MCU: variants seen among roughly 807,000 people sequenced by gnomAD.
The protein encoded by MCU is mitochondrial calcium uniporter.
In MCU, 12 loss-of-function variants were observed where a neutral mutation model predicts 45.2. That is an observed-to-expected ratio of 0.27 (90% CI 0.17 to 0.43). The LOEUF (loss-of-function observed/expected upper bound fraction) is 0.43, where lower values mean the gene tolerates loss of function less well. MCU is among the 20% of genes least tolerant of loss of function. MCU has a pLI of 1.00. For missense variants in MCU, 324 were observed against 436.7 expected (o/e 0.74, Z 2.30); for synonymous variants, 160 against 165.1 (o/e 0.97, Z 0.24).
intron 1 of MCU, among the ~76,000 whole-genome samples, chr10:72,733,663 A>G (rs1266916212): frequency 2.1e-5 from 3 of 142,576 alleles, no homozygotes; most frequent in Non-Finnish European, 4.5e-5. Flanking sequence ...TGTTGGTGGT[A>G]CCCGATATAT....
intron 7 of MCU, among the ~76,000 whole-genome samples, chr10:72,885,072 G>A (rs1273666463): frequency 6.6e-6 from 1 of 152,118 alleles, no homozygotes; most frequent in Non-Finnish European, 1.5e-5. Context: ...TCTTCTTGAT[G>A]ATAGGGTTGT....
At chr10:72,693,165 C>CACCCAAGAG in intron 1 of MCU, 1 of 1,203,124 alleles carries the variant, frequency 8.3e-7, no homozygotes, top group Non-Finnish European at 1.2e-6. Context: ...TTTGAACACT[C>CACCCAAGAG]TTGGGTGAGT....
chr10:72,788,427 C>T (rs547900055), intron 1 of MCU, among the ~76,000 whole-genome samples: 214 of 152,280 alleles, frequency 1.4e-3, no homozygotes, highest in Non-Finnish European at 2.6e-3. Flanking sequence ...GAGTTGAAGG[C>T]CAACCTGGGC....
rs758036618 is a variant in MCU, at chr10:72,839,797, CAAAAAAAA to C, written c.220+5379_220+5386del. ...TAAAACCCTGTCTCTACTAAGAATA[CAAAAAAAA>C]AAAAAAAAATTAGCCGGGTGTGGTG... On this transcript the variant is annotated intron_variant, in intron 2 of 7. Transcript: ENST00000373053. Among the ~76,000 whole-genome samples, 444 of 96,386 alleles carry C rather than the reference CAAAAAAAA, an allele frequency of 4.6e-3. 4 individuals are homozygous for C. The highest frequency in any genetic ancestry group is 0.016 in the African/African-American group (416 of 25,714). 63.2% of individuals were successfully genotyped at this position (96,386 alleles called of 152,430 possible).
chr10:72,849,916 T>A (rs1372498871), intron 2 of MCU, among the ~76,000 whole-genome samples: 1 of 28,858 alleles, frequency 3.5e-5, no homozygotes. Flanking sequence ...TATCTTTTTC[T>A]TTTTTTTTTT....
intron 1 of MCU, among the ~76,000 whole-genome samples, chr10:72,799,291 A>C (rs1844301177): frequency 6.6e-6 from 1 of 152,206 alleles, no homozygotes; most frequent in Non-Finnish European, 1.5e-5. Flanking sequence ...GATGATTTCC[A>C]AATATTCACT....
At chr10:72,752,693 C>A (rs1038537391) in intron 1 of MCU, among the ~76,000 whole-genome samples, 1 of 152,134 alleles carries the variant, frequency 6.6e-6, no homozygotes, top group Non-Finnish European at 1.5e-5. Context: ...CATTTAGTTA[C>A]AGAACTGGAG....
chr10:72,808,620 A>G (rs559426309), intron 1 of MCU, among the ~76,000 whole-genome samples: 1 of 152,354 alleles, frequency 6.6e-6, no homozygotes, highest in South Asian at 2.1e-4. Context: ...TCACATAACT[A>G]TAAAGAACTA....
intron 2 of MCU, among the ~76,000 whole-genome samples, chr10:72,852,596 G>T (rs1003482603): frequency 2.5e-4 from 38 of 152,202 alleles, no homozygotes; most frequent in African/African-American, 8.9e-4. Flanking sequence ...ACCCTGCATT[G>T]GTTGAGTTTA....
intron 1 of MCU, among the ~76,000 whole-genome samples, chr10:72,819,399 C>T (rs1213545230): frequency 1.3e-5 from 2 of 152,196 alleles, no homozygotes; most frequent in East Asian, 3.8e-4. Flanking sequence ...CCACCATTCC[C>T]TCTACCCCAA....
rs146604029 is a variant in MCU at position 72,868,186 on chromosome 10, A to G, written c.497-517A>G. 6.5e-3 allele frequency among the ~76,000 whole-genome samples: 990 copies of G among 152,234 alleles called. 16 individuals carry two copies. Among genetic ancestry groups the G allele is most frequent in the African/African-American group, 0.023 (935 of 41,546 alleles). ...TCCAAGAATATAATGGTAGATATTTATTTCAAATTTTTTGAGTTACCCAAA... is the reference window on the plus strand; with the variant it reads ...TCCAAGAATATAATGGTAGATATTTGTTTCAAATTTTTTGAGTTACCCAAA... On this transcript the variant is annotated intron_variant, in intron 4 of 7. Transcript: ENST00000373053.
intron 1 of MCU, among the ~76,000 whole-genome samples, chr10:72,768,307 T>C (rs904598660): frequency 6.6e-6 from 1 of 152,182 alleles, no homozygotes; most frequent in Non-Finnish European, 1.5e-5. Context: ...GAGATAGACA[T>C]ATGGTTTGTA....
chr10:72,716,755 A>G (rs1320507483), intron 1 of MCU, among the ~76,000 whole-genome samples: 3 of 151,468 alleles, frequency 2.0e-5, no homozygotes, highest in African/African-American at 7.3e-5. Context: ...CCCTGTAGTT[A>G]TGGCTACTCG....
At chr10:72,790,007 A>G (rs1480517371) in intron 1 of MCU, among the ~76,000 whole-genome samples, 1 of 152,190 alleles carries the variant, frequency 6.6e-6, no homozygotes, top group African/African-American at 2.4e-5. Flanking sequence ...AGCCATTTCT[A>G]GTTATACACT....
intron 2 of MCU, among the ~76,000 whole-genome samples, chr10:72,847,735 A>C (rs1845144355): frequency 6.6e-6 from 1 of 152,136 alleles, no homozygotes; most frequent in South Asian, 2.1e-4. Flanking sequence ...GGGATTTAGG[A>C]ATAGTTTGGC....
intron 1 of MCU, among the ~76,000 whole-genome samples, chr10:72,726,146 C>T (rs1166363705): frequency 6.6e-6 from 1 of 151,980 alleles, no homozygotes; most frequent in Non-Finnish European, 1.5e-5. Context: ...AGGATCCTCC[C>T]ACCTCAGCCT....
intron 1 of MCU, among the ~76,000 whole-genome samples, chr10:72,774,406 A>G (rs563690119): frequency 2.0e-5 from 3 of 152,320 alleles, no homozygotes; most frequent in South Asian, 2.1e-4. Flanking sequence ...ACAAAAACCT[A>G]TAATAGACTT....
rs188124400 is a variant in MCU at position 72,827,310 on chromosome 10, A to G, written c.151-7049A>G. 4.1e-4 allele frequency among the ~76,000 whole-genome samples: 63 copies of G among 152,352 alleles called. 1 individual carries two copies. Among genetic ancestry groups the G allele is most frequent in the African/African-American group, 1.4e-3 (60 of 41,594 alleles). ...TTTTTGAAAAGTAATAGTGAACAAT[A>G]CATTCAATGACCATCTCAATACAAC... On this transcript the variant is annotated intron_variant, in intron 1 of 7. Transcript: ENST00000373053.
chr10:72,700,349 A>C (rs187543413), intron 1 of MCU, among the ~76,000 whole-genome samples: 68 of 152,322 alleles, frequency 4.5e-4, no homozygotes, highest in African/African-American at 1.5e-3. Flanking sequence ...GGCGTGAGCC[A>C]CTGTGCCCGG....
Sources: gnomAD v4.1 joint callset for allele counts (sites outside exome capture counted in the v4.1 genomes callset) on GRCh38, gnomAD v4.1.1 for gene constraint, MANE v1.5 for transcripts, NCBI Gene and HGNC (gene_info 2026-07-23, HGNC 2026-07-21) for gene names.